Variants in ST3GAL1 observed in about 807,000 individuals in gnomAD.
ST3GAL1 encodes CMP-N-acetylneuraminate-beta-galactosamide-alpha-2,3-sialyltransferase 1.
Under a neutral mutation model 34.1 loss-of-function variants are expected in ST3GAL1, and 16 were observed. That is an observed-to-expected ratio of 0.47 (90% CI 0.32 to 0.71). The LOEUF is 0.71. Among genes scored for constraint, ST3GAL1 ranks in the 30% least tolerant of loss-of-function variants. The pLI is 0.04. For synonymous variants in ST3GAL1, 191 were observed against 184.7 expected, an observed-to-expected ratio of 1.03 and a Z score of -0.28; for missense variants, 353 against 447.4, an observed-to-expected ratio of 0.79 and a Z score of 1.90.
intron 2 of ST3GAL1, among the ~76,000 whole-genome samples, chr8:133,512,218 T>C (rs1817517425): frequency 6.6e-6 from 1 of 152,190 alleles, no homozygotes; most frequent in Non-Finnish European, 1.5e-5. Flanking sequence ...CTTCAGTCTG[T>C]GGTCAAAGGC....
In ST3GAL1 at chr8:133,459,080, G is replaced by C. The variant is rs1815401793; in HGVS notation, c.*684C>G. Reference sequence around the variant, plus strand: ...TTTTTAAATCTTTTATTTTTGTAGAGACAGGAGTCTCACTATGTTGCCCAG... The same window carrying C: ...TTTTTAAATCTTTTATTTTTGTAGACACAGGAGTCTCACTATGTTGCCCAG... On this transcript the variant is annotated 3_prime_UTR_variant, in exon 10 of 10. Coordinates refer to ENST00000522652, the MANE Select transcript of ST3GAL1 (RefSeq NM_173344.3). This position sits in a 1 kb window ranked among gnomAD's most constrained non-coding sequence, Gnocchi z 4.7. The C allele has an allele frequency of 6.6e-6, 1 of 151,984 alleles. No homozygotes were observed. The highest frequency in any genetic ancestry group is 1.5e-5 in the Non-Finnish European group (1 of 68,100). The allele number at this position is 151,984 out of a possible 1,614,324, so 9.4% of individuals were successfully genotyped here.
chr8:133,513,194 C>T (rs1817546268), intron 2 of ST3GAL1, among the ~76,000 whole-genome samples: 3 of 152,182 alleles, frequency 2.0e-5, no homozygotes, highest in Admixed American at 6.5e-5. Context: ...CCACCCCAGC[C>T]CTGCTGAAGA....
intron 9 of ST3GAL1, among the ~76,000 whole-genome samples, chr8:133,460,230 T>A (rs1350718250): frequency 2.0e-5 from 3 of 152,154 alleles, no homozygotes; most frequent in Non-Finnish European, 2.9e-5. Context: ...AAGTGCAACC[T>A]ATTCTCCCAG....
intron 2 of ST3GAL1, among the ~76,000 whole-genome samples, chr8:133,537,698 G>A (rs1818348080): frequency 2.0e-5 from 3 of 152,132 alleles, no homozygotes; most frequent in African/African-American, 7.2e-5. Flanking sequence ...CATCTCCCCT[G>A]GGGGCCGGGA....
At chr8:133,554,630 G>A (rs1212699135) in intron 1 of ST3GAL1, among the ~76,000 whole-genome samples, 2 of 152,026 alleles carry the variant, frequency 1.3e-5, no homozygotes, top group Non-Finnish European at 2.9e-5. Flanking sequence ...GCTACTGCCT[G>A]TCTGATTCAG....
Position 133,570,945 on chromosome 8 carries a change from T to C in ST3GAL1, c.-582+748A>G, listed in dbSNP as rs1802806190. On this transcript the variant is annotated intron_variant, in intron 1 of 9. Coordinates refer to ENST00000522652, the MANE Select transcript of ST3GAL1 (RefSeq NM_173344.3). This position sits in a 1 kb window ranked among gnomAD's most constrained non-coding sequence, Gnocchi z 5.6. ...ACGGGGTTGGGGCGGATTCAGAGTTTCGAGTTGCCACTAACACGACTCCGG... is the reference window on the plus strand; with the variant it reads ...ACGGGGTTGGGGCGGATTCAGAGTTCCGAGTTGCCACTAACACGACTCCGG... Among the ~76,000 whole-genome samples, 1 of 152,292 alleles carries C rather than the reference T, an allele frequency of 6.6e-6. No individual in the cohort carries two copies. The highest frequency in any genetic ancestry group is 2.4e-5 in the African/African-American group (1 of 41,578).
At position 133,540,866 on chromosome 8, in the gene ST3GAL1, G is replaced by GACACATATAT. The variant is rs1157658797; in HGVS notation, c.-429+4907_-429+4908insATATATGTGT. On this transcript the variant is annotated intron_variant, in intron 2 of 9. Coordinates refer to ENST00000522652, the MANE Select transcript of ST3GAL1 (RefSeq NM_173344.3). Reference sequence around the variant, plus strand: ...ACATATATATAGAGACATATATATAGAGACATATATATAGAGACATATATA... The same window carrying GACACATATAT: ...ACATATATATAGAGACATATATATAGACACATATATAGACATATATATAGAGACATATATA... Among the ~76,000 whole-genome samples the GACACATATAT allele has an allele frequency of 2.2e-4, 20 of 92,658 alleles. 1 individual carries two copies. The highest frequency in any genetic ancestry group is 3.0e-4 in the Non-Finnish European group (15 of 49,616). The allele number at this position is 92,658 out of a possible 152,430, so 60.8% of individuals were successfully genotyped here.
chr8:133,530,148 G>A (rs572037549), intron 2 of ST3GAL1, among the ~76,000 whole-genome samples: 1 of 152,162 alleles, frequency 6.6e-6, no homozygotes. Context: ...ACTAGAGCAG[G>A]GGGGGTGACA....
chr8:133,502,292 AC>A lies in ST3GAL1; in HGVS notation c.-428-3104del, dbSNP rs796781026. 7.1e-4 allele frequency among the ~76,000 whole-genome samples: 108 copies of A among 152,050 alleles called. 2 individuals are homozygous for A. Among genetic ancestry groups the A allele is most frequent in the African/African-American group, 2.5e-3 (102 of 41,472 alleles). Reference sequence around the variant, plus strand: ...TGCTATGGAATGAACCGTCCCCCACACCCCCACCAAATTCATATGTTGATGC... The same window carrying A: ...TGCTATGGAATGAACCGTCCCCCACACCCCACCAAATTCATATGTTGATGC... On this transcript the variant is annotated intron_variant, in intron 2 of 9. Coordinates refer to ENST00000522652, the MANE Select transcript of ST3GAL1 (RefSeq NM_173344.3).
intron 1 of ST3GAL1, among the ~76,000 whole-genome samples, chr8:133,569,515 T>G (rs1819503665): frequency 6.6e-6 from 1 of 152,066 alleles, no homozygotes; most frequent in Non-Finnish European, 1.5e-5. Flanking sequence ...GCCGAGAGGT[T>G]AAGTCTGGCG....
At chr8:133,472,453 G>A (rs142030531) in intron 5 of ST3GAL1, among the ~76,000 whole-genome samples, 300 of 152,296 alleles carry the variant, frequency 2.0e-3, no homozygotes, top group African/African-American at 6.8e-3. Flanking sequence ...AATTCAAGAT[G>A]AGATTTGGGT....
In ST3GAL1 at chr8:133,460,101, C is replaced by A. The variant is rs113388407; in HGVS notation, c.850-164G>T. On this transcript the variant is annotated intron_variant, in intron 9 of 9. Coordinates refer to ENST00000522652, the MANE Select transcript of ST3GAL1 (RefSeq NM_173344.3). ...AAAACCCTTCTCTACGTTCCTGGAA[C>A]TCTCAGAGTCTTGGTGAAGCAAATG... 4.9e-4 allele frequency among the ~76,000 whole-genome samples: 75 copies of A among 152,338 alleles called. 1 individual carries two copies. Among genetic ancestry groups the A allele is most frequent in the African/African-American group, 1.8e-3 (73 of 41,584 alleles).
At chr8:133,559,738 G>T (rs1048304580) in intron 1 of ST3GAL1, among the ~76,000 whole-genome samples, 1 of 152,332 alleles carries the variant, frequency 6.6e-6, no homozygotes, top group African/African-American at 2.4e-5. Context: ...CGACGCTGAC[G>T]ATTCCTTTTA....
intron 1 of ST3GAL1, among the ~76,000 whole-genome samples, chr8:133,560,260 TA>T (rs370040473): frequency 0.037 from 5,300 of 145,004 alleles, 94 homozygotes; most frequent in Middle Eastern, 0.049. Context: ...TCAGTTTTAC[TA>T]AAAAAAAAAA....
rs150324951 is a variant in ST3GAL1 at position 133,529,727 on chromosome 8, C to A, written c.-429+16047G>T. 6.9e-3 allele frequency among the ~76,000 whole-genome samples: 1,051 copies of A among 152,270 alleles called. 16 individuals are homozygous for A. The highest frequency in any genetic ancestry group is 0.024 in the African/African-American group (984 of 41,548). ...CCACCCCCTTCTCATCTCATTTGCC[C>A]ACTAGCCCCTCATGCACTGCCCAGG... On this transcript the variant is annotated intron_variant, in intron 2 of 9. Transcript: ENST00000522652.
chr8:133,485,904 T>C (rs1816573395), intron 3 of ST3GAL1, among the ~76,000 whole-genome samples: 2 of 152,274 alleles, frequency 1.3e-5, no homozygotes, highest in African/African-American at 2.4e-5. Flanking sequence ...TCCTCATCCA[T>C]AAAGCGGGGG....
At chr8:133,503,391 G>A (rs564907574) in intron 2 of ST3GAL1, among the ~76,000 whole-genome samples, 3 of 152,190 alleles carry the variant, frequency 2.0e-5, no homozygotes, top group East Asian at 1.9e-4. Context: ...GGGATAATAA[G>A]CATCCTTACA....
At chr8:133,462,641 A>G (rs1225470821) in intron 8 of ST3GAL1, among the ~76,000 whole-genome samples, 1 of 152,168 alleles carries the variant, frequency 6.6e-6, no homozygotes, top group East Asian at 1.9e-4. Flanking sequence ...CCAGAAAGCC[A>G]AACTCCAGCC....
intron 3 of ST3GAL1, among the ~76,000 whole-genome samples, chr8:133,490,131 C>T (rs11996748): frequency 0.017 from 2,662 of 152,262 alleles, 75 homozygotes; most frequent in African/African-American, 0.059. Context: ...TGAGAGACTA[C>T]GCAGTATTTT....
Sources: allele counts gnomAD v4.1 joint callset (sites outside exome capture counted in the v4.1 genomes callset), GRCh38; gene constraint gnomAD v4.1.1; non-coding constraint Gnocchi (gnomAD v3.1); transcripts MANE v1.5; gene names NCBI Gene and HGNC (gene_info 2026-07-23, HGNC 2026-07-21).